Variants in CDKAL1 observed in about 807,000 individuals in gnomAD.
CDKAL1 encodes threonylcarbamoyladenosine tRNA methylthiotransferase.
CDKAL1 carries 32 observed loss-of-function variants against 68.2 expected under a neutral mutation model. The observed-to-expected ratio is 0.47, with a 90% CI of 0.35 to 0.63. The LOEUF (loss-of-function observed/expected upper bound fraction) is 0.63. Among genes scored for constraint, CDKAL1 ranks in the 30% least tolerant of loss-of-function variants. The pLI, the probability that CDKAL1 is intolerant of heterozygous loss-of-function variation, is 0.00. For synonymous variants in CDKAL1, 234 were observed against 244.3 expected (o/e 0.96, Z 0.39); for missense variants, 606 against 696.7 (o/e 0.87, Z 1.47).
chr6:20,863,978 T>G (rs1759775755), intron 9 of CDKAL1, among the ~76,000 whole-genome samples: 1 of 152,222 alleles, frequency 6.6e-6, no homozygotes, highest in Admixed American at 6.5e-5. Flanking sequence ...GACTTGGAGA[T>G]GTAATTCACT....
rs114527214 is a variant in CDKAL1 at position 20,969,296 on chromosome 6, C to A, written c.909+13711C>A. ...TGTATTATATACTGTATTCTTACAA[C>A]CAAGTAAGCTAGAGGAAAGAAAATG... On this transcript the variant is annotated intron_variant, in intron 10 of 15. Coordinates refer to ENST00000274695, the MANE Select transcript of CDKAL1 (RefSeq NM_017774.3). Among the ~76,000 whole-genome samples, 618 of 152,002 alleles carry A rather than the reference C, an allele frequency of 4.1e-3. 5 individuals are homozygous for A. The highest frequency in any genetic ancestry group is 0.014 in the African/African-American group (588 of 41,442).
chr6:21,186,081 AG>A (rs577243375), intron 13 of CDKAL1, among the ~76,000 whole-genome samples: 8 of 136,256 alleles, frequency 5.9e-5, no homozygotes, highest in East Asian at 2.3e-4. Context: ...GGGGTGGGGC[AG>A]GGGGGGTCAG....
chr6:20,642,146 G>A (rs1768207311), intron 4 of CDKAL1, among the ~76,000 whole-genome samples: 1 of 152,076 alleles, frequency 6.6e-6, no homozygotes, highest in African/African-American at 2.4e-5. Flanking sequence ...AGATATAAAT[G>A]CAAAACCATA....
At chr6:20,815,746 A>G (rs1028147914) in intron 8 of CDKAL1, among the ~76,000 whole-genome samples, 1 of 152,202 alleles carries the variant, frequency 6.6e-6, no homozygotes, top group Non-Finnish European at 1.5e-5. Flanking sequence ...TCTACCACCC[A>G]GAGATAACCA....
chr6:20,829,460 A>G (rs1480153968), intron 8 of CDKAL1, among the ~76,000 whole-genome samples: 1 of 152,226 alleles, frequency 6.6e-6, no homozygotes. Flanking sequence ...CAAGTATTAC[A>G]GATTCGTTAT....
chr6:20,720,589 C>T (rs1772302081), intron 5 of CDKAL1, among the ~76,000 whole-genome samples: 1 of 150,698 alleles, frequency 6.6e-6, no homozygotes, highest in Non-Finnish European at 1.5e-5. Flanking sequence ...TCACGGCAAC[C>T]TTTACCTCCT....
chr6:20,856,860 T>A (rs952440428), intron 9 of CDKAL1, among the ~76,000 whole-genome samples: 10 of 152,192 alleles, frequency 6.6e-5, no homozygotes, highest in Non-Finnish European at 1.2e-4. Flanking sequence ...TTGTGAGATA[T>A]TTTCTGGGCA....
At chr6:20,774,580 T>C (rs1413727603) in intron 7 of CDKAL1, among the ~76,000 whole-genome samples, 1 of 152,218 alleles carries the variant, frequency 6.6e-6, no homozygotes, top group Non-Finnish European at 1.5e-5. Flanking sequence ...AAAACATTTT[T>C]GTTCCTGAAG....
intron 11 of CDKAL1, among the ~76,000 whole-genome samples, chr6:21,001,793 A>G (rs1767439598): frequency 6.6e-6 from 1 of 152,210 alleles, no homozygotes; most frequent in East Asian, 1.9e-4. Flanking sequence ...GGTAAATGGA[A>G]TATTTTCAAA....
intron 9 of CDKAL1, among the ~76,000 whole-genome samples, chr6:20,860,083 T>A (rs1201779075): frequency 6.6e-6 from 1 of 152,192 alleles, no homozygotes; most frequent in East Asian, 1.9e-4. Flanking sequence ...TAATTCTTTT[T>A]TTCTTTTCTT....
At chr6:20,856,101 C>T (rs1296189128) in intron 9 of CDKAL1, among the ~76,000 whole-genome samples, 2 of 152,180 alleles carry the variant, frequency 1.3e-5, no homozygotes, top group African/African-American at 4.8e-5. Flanking sequence ...TTCTTGCCTG[C>T]ATCTGGTGAG....
chr6:21,049,050 C>A (rs1479931636), intron 11 of CDKAL1, among the ~76,000 whole-genome samples: 1 of 151,948 alleles, frequency 6.6e-6, no homozygotes, highest in African/African-American at 2.4e-5. Context: ...GATGAGCTTT[C>A]TTTTATATTG....
intron 5 of CDKAL1, among the ~76,000 whole-genome samples, chr6:20,670,907 T>C (rs931033154): frequency 1.3e-5 from 2 of 152,224 alleles, no homozygotes; most frequent in Non-Finnish European, 2.9e-5. Context: ...GAGTGTATAG[T>C]GGTTTATTCA....
intron 13 of CDKAL1, among the ~76,000 whole-genome samples, chr6:21,193,916 T>A (rs1025809972): frequency 2.6e-5 from 4 of 152,200 alleles, no homozygotes; most frequent in African/African-American, 9.6e-5. Context: ...CAAGACTGGA[T>A]AATTTATAAG....
chr6:20,903,156 CCT>C (rs1363773641), intron 9 of CDKAL1, among the ~76,000 whole-genome samples: 4 of 152,080 alleles, frequency 2.6e-5, no homozygotes, highest in Non-Finnish European at 4.4e-5. Flanking sequence ...ACTAAAAACA[CCT>C]CTCTTCTCAC....
intron 15 of CDKAL1, among the ~76,000 whole-genome samples, chr6:21,217,743 C>T (rs541090621): frequency 3.3e-5 from 5 of 152,294 alleles, no homozygotes; most frequent in Admixed American, 2.6e-4. Flanking sequence ...AGTGATCCAC[C>T]CGCCTCGGCC....
intron 9 of CDKAL1, among the ~76,000 whole-genome samples, chr6:20,931,023 G>A (rs1031223858): frequency 5.3e-5 from 8 of 150,810 alleles, no homozygotes; most frequent in Admixed American, 3.3e-4. Flanking sequence ...GATTACAGGC[G>A]TGAGCCACCG....
In CDKAL1 at chr6:21,051,564, A is replaced by G. The variant is rs567463387; in HGVS notation, c.1056-13484A>G. Among the ~76,000 whole-genome samples, 7 of 152,044 alleles carry G rather than the reference A, an allele frequency of 4.6e-5. No homozygotes were observed. The South Asian group carries it at 1.5e-3, about 32-fold the overall frequency. ...TCTGTGATCATGGGCAATTTACTGT[A>G]CCTCTTTCCCTAATGGCATTTTCCC... On this transcript the variant is annotated intron_variant, in intron 11 of 15. Transcript: ENST00000274695.
At chr6:20,941,460 T>C (rs1374784808) in intron 9 of CDKAL1, among the ~76,000 whole-genome samples, 3 of 152,218 alleles carry the variant, frequency 2.0e-5, no homozygotes, top group Non-Finnish European at 4.4e-5. Context: ...GCAAGTCTGT[T>C]AACCTTTCTG....
Sources: allele counts gnomAD v4.1 joint callset (sites outside exome capture counted in the v4.1 genomes callset), GRCh38; gene constraint gnomAD v4.1.1; transcripts MANE v1.5; gene names NCBI Gene and HGNC (gene_info 2026-07-23, HGNC 2026-07-21).